The following NRG2 variants were observed in gnomAD, a reference collection of about 807,000 sequenced individuals.
NRG2 encodes the protein neuregulin 2, also known as pro-neuregulin-2, membrane-bound isoform.
NRG2 carries 27 observed loss-of-function variants against 73.9 expected under a neutral mutation model. That is an observed-to-expected ratio of 0.37 (90% CI 0.27 to 0.50). The LOEUF (loss-of-function observed/expected upper bound fraction) is 0.50. Ranked by LOEUF, NRG2 falls within the 20% of genes least tolerant of loss-of-function variation. The pLI is 0.96. For synonymous variants in NRG2, 532 were observed against 541.0 expected, an observed-to-expected ratio of 0.98 and a Z score of 0.23; for missense variants, 1,126 against 1,210.1, an observed-to-expected ratio of 0.93 and a Z score of 1.03.
chr5:139,997,780 G>C, intron 1 of NRG2, among the ~76,000 whole-genome samples: 1 of 152,234 alleles, frequency 6.6e-6, no homozygotes, highest in Non-Finnish European at 1.5e-5. Context: ...TTATCAAGAA[G>C]GTAGAACTTC....
intron 1 of NRG2, among the ~76,000 whole-genome samples, chr5:139,959,415 C>T (rs7735593): frequency 0.14 from 21,246 of 151,954 alleles, 1,585 homozygotes; most frequent in South Asian, 0.25. Context: ...TTATTCTTCC[C>T]GCCCAGGCTG....
intron 1 of NRG2, among the ~76,000 whole-genome samples, chr5:139,979,895 T>G (rs6887417): frequency 0.077 from 11,708 of 152,292 alleles, 647 homozygotes; most frequent in African/African-American, 0.15. Context: ...CTTGTTGCTG[T>G]AAGTCTAAAT....
rs1210336028 is a variant in NRG2, at chr5:139,870,877, C to G, written c.1112+844G>C. Reference sequence around the variant, plus strand: ...CTGAACGAGCCCTCCCTGACAGCCTCTCTCCCACCTGCCTTGTTTGCTATG... The same window carrying G: ...CTGAACGAGCCCTCCCTGACAGCCTGTCTCCCACCTGCCTTGTTTGCTATG... On this transcript the variant is annotated intron_variant, in intron 4 of 9. Coordinates refer to ENST00000361474, the MANE Select transcript of NRG2 (RefSeq NM_004883.3). This position sits in a 1 kb window ranked among gnomAD's most constrained non-coding sequence, Gnocchi z 4.4. Among the ~76,000 whole-genome samples the G allele has an allele frequency of 6.6e-6, 1 of 152,214 alleles. No homozygotes were observed. The highest frequency in any genetic ancestry group is 1.5e-5 in the Non-Finnish European group (1 of 68,028).
chr5:139,932,529 T>C (rs917248537), intron 1 of NRG2, among the ~76,000 whole-genome samples: 2 of 151,970 alleles, frequency 1.3e-5, no homozygotes, highest in Admixed American at 6.6e-5. Context: ...AGCAGATATG[T>C]AGGATGAACA....
intron 3 of NRG2, among the ~76,000 whole-genome samples, chr5:139,877,461 A>G (rs1256067630): frequency 6.6e-6 from 1 of 152,220 alleles, no homozygotes; most frequent in Non-Finnish European, 1.5e-5. Flanking sequence ...GGGCCAAACC[A>G]ACCCACCTTG....
At chr5:139,955,194 C>T (rs1045929687) in intron 1 of NRG2, among the ~76,000 whole-genome samples, 118 of 152,034 alleles carry the variant, frequency 7.8e-4, no homozygotes, top group African/African-American at 2.5e-3. Flanking sequence ...GCTTAGGGTA[C>T]GTACACTTCA....
rs1762411502 is a variant in NRG2 at position 139,865,275 on chromosome 5, G to T, written c.1189+274C>A. 6.2e-6 allele frequency: 6 copies of T among 972,974 alleles called. No individual in the cohort carries two copies. Among genetic ancestry groups the T allele is most frequent in the East Asian group, 2.5e-5 (1 of 40,452 alleles). The allele number at this position is 972,974 out of a possible 1,614,324, so 60.3% of individuals were successfully genotyped here. On this transcript the variant is annotated intron_variant, in intron 5 of 9. Coordinates refer to ENST00000361474, the MANE Select transcript of NRG2 (RefSeq NM_004883.3). The surrounding 1 kb of genome is among the most constrained non-coding windows in gnomAD (Gnocchi z 5.2). ...CCTGCCAATGCCAGCTGGGTTCCTT[G>T]CCACCGTTACCATTTGTATTGGCCT...
chr5:139,854,226 C>T (rs1761671435), intron 6 of NRG2, among the ~76,000 whole-genome samples: 1 of 152,272 alleles, frequency 6.6e-6, no homozygotes, highest in Admixed American at 6.5e-5. Context: ...CCAGCCCTCT[C>T]TGGCCTCCCG....
intron 1 of NRG2, among the ~76,000 whole-genome samples, chr5:139,892,661 T>C (rs1489934164): frequency 1.3e-5 from 2 of 152,136 alleles, no homozygotes; most frequent in Admixed American, 6.5e-5. Flanking sequence ...CATCGCACCA[T>C]GTCTCAAGAA....
chr5:139,987,896 T>C (rs1757293681), intron 1 of NRG2, among the ~76,000 whole-genome samples: 1 of 149,044 alleles, frequency 6.7e-6, no homozygotes, highest in South Asian at 2.2e-4. Context: ...TGCCTCAGCC[T>C]CCCGAGTAGC....
intron 1 of NRG2, among the ~76,000 whole-genome samples, chr5:139,920,024 G>A (rs894996882): frequency 6.6e-6 from 1 of 152,190 alleles, no homozygotes; most frequent in Admixed American, 6.5e-5. Context: ...GAAATGTGGA[G>A]GATGGAATGG....
intron 5 of NRG2, among the ~76,000 whole-genome samples, chr5:139,858,116 A>G (rs1239916242): frequency 6.6e-6 from 1 of 152,188 alleles, no homozygotes; most frequent in East Asian, 1.9e-4. Context: ...CTGTGACTCA[A>G]ATGCAACCCA....
At chr5:139,985,704 C>G (rs1268958852) in intron 1 of NRG2, among the ~76,000 whole-genome samples, 1 of 152,214 alleles carries the variant, frequency 6.6e-6, no homozygotes, top group East Asian at 1.9e-4. Context: ...TTCCCAATCT[C>G]AGGGGACAGC....
At chr5:139,928,717 C>T (rs981819443) in intron 1 of NRG2, among the ~76,000 whole-genome samples, 1 of 152,202 alleles carries the variant, frequency 6.6e-6, no homozygotes, top group African/African-American at 2.4e-5. Context: ...TGAAGCTCAG[C>T]CACTACAAAT....
chr5:139,852,992 T>C lies in NRG2; in HGVS notation c.1328A>G (p.Gln443Arg). Residue 443 changes from glutamine to arginine, a missense_variant, in exon 7 of 10, where the codon CAG (glutamine) becomes CGG (arginine). Gln to Arg is a conservative substitution (Grantham distance 43). Around this residue, in one of 3 missense-constraint regions of NRG2, gnomAD observed 539 missense variants for 703.2 expected, o/e 0.77. Transcript: ENST00000361474. The surrounding 1 kb of genome is among the most constrained non-coding windows in gnomAD (Gnocchi z 4.4). ...GTTCTGATGGGCCGGGCACATGTTC[T>C]GCCGGAGGTGGTTGTGCATCTGCTT... Reference protein sequence around the residue: ...QRKQMHNHLRQNMCPAHQNRS... With the variant: ...QRKQMHNHLRRNMCPAHQNRS... 1 of 1,613,414 alleles carries C rather than the reference T, an allele frequency of 6.2e-7. No individual in the cohort carries two copies. The highest frequency in any genetic ancestry group is 1.1e-5 in the South Asian group (1 of 91,016).
chr5:140,039,061 A>G (rs1226981238), intron 1 of NRG2, among the ~76,000 whole-genome samples: 1 of 152,236 alleles, frequency 6.6e-6, no homozygotes, highest in East Asian at 1.9e-4. Context: ...GAATGTAAAA[A>G]TCCTTAGGAA....
At chr5:139,968,987 G>T (rs568864255) in intron 1 of NRG2, among the ~76,000 whole-genome samples, 1 of 152,354 alleles carries the variant, frequency 6.6e-6, no homozygotes, top group South Asian at 2.1e-4. Context: ...GTAATGCCCC[G>T]CCACCTGGTG....
intron 1 of NRG2, among the ~76,000 whole-genome samples, chr5:139,922,070 C>CA (rs35988908): frequency 0.02 from 1,506 of 76,848 alleles, 14 homozygotes; most frequent in Middle Eastern, 0.029. Flanking sequence ...GATTCTGTCT[C>CA]AAAAAAAAAA....
chr5:139,857,032 A>C (rs962766049), intron 5 of NRG2, among the ~76,000 whole-genome samples: 8 of 152,048 alleles, frequency 5.3e-5, no homozygotes, highest in African/African-American at 1.9e-4. Flanking sequence ...CTCCTCTGAG[A>C]CTACCCTGGT....
Sources: allele counts gnomAD v4.1 joint callset (sites outside exome capture counted in the v4.1 genomes callset), GRCh38; gene constraint gnomAD v4.1.1; regional missense constraint gnomAD v4.1.1; non-coding constraint Gnocchi (gnomAD v3.1); transcripts MANE v1.5; gene names NCBI Gene and HGNC (gene_info 2026-07-23, HGNC 2026-07-21).